PLCH1: variants seen among roughly 807,000 people sequenced by gnomAD.
The protein encoded by PLCH1 is 1-phosphatidylinositol 4,5-bisphosphate phosphodiesterase eta-1.
Under a neutral mutation model 126.7 loss-of-function variants are expected in PLCH1, and 60 were observed. The ratio of observed to expected loss-of-function variants is 0.47; its 90% confidence interval spans 0.38 to 0.59. The LOEUF (loss-of-function observed/expected upper bound fraction) is 0.59. PLCH1 is among the 20% of genes least tolerant of loss of function. The pLI is 0.00. For synonymous variants in PLCH1, 719 were observed against 734.9 expected, an observed-to-expected ratio of 0.98 and a Z score of 0.35; for missense variants, 1,723 against 2,040.0, an observed-to-expected ratio of 0.84 and a Z score of 2.99.
chr3:155,691,318 C>T (rs1745365548), intron 2 of PLCH1, among the ~76,000 whole-genome samples: 1 of 152,200 alleles, frequency 6.6e-6, no homozygotes, highest in Non-Finnish European at 1.5e-5. Context: ...CCTAACATTT[C>T]CTAATGATCC....
chr3:155,542,886 G>T (rs577265288), intron 10 of PLCH1, among the ~76,000 whole-genome samples: 9,148 of 152,074 alleles, frequency 0.06, 573 homozygotes, highest in African/African-American at 0.16. Context: ...AAACCCATCT[G>T]TACATCACCA....
Position 155,488,844 on chromosome 3 carries a change from G to A in PLCH1, c.2393-38C>T, listed in dbSNP as rs1208083108. On this transcript the variant is annotated intron_variant, in intron 19 of 22. Transcript: ENST00000460012. ...GGAAAAGAAAAATCAGAAAAGCAAAGGACTTGGCTGAAAATGAGTTGGCAG... is the reference window on the plus strand; with the variant it reads ...GGAAAAGAAAAATCAGAAAAGCAAAAGACTTGGCTGAAAATGAGTTGGCAG... The A allele has an allele frequency of 3.2e-6, 5 of 1,573,406 alleles. 1 individual carries two copies. The African/African-American group carries it at 4.1e-5, about 13-fold the overall frequency.
chr3:155,541,797 G>C (rs1046246434), intron 10 of PLCH1, among the ~76,000 whole-genome samples: 8 of 145,672 alleles, frequency 5.5e-5, no homozygotes, highest in African/African-American at 2.0e-4. Context: ...ACATAGAGTT[G>C]CCACAAACCT....
Position 155,555,186 on chromosome 3 carries a change from C to T in PLCH1, c.1070-990G>A, listed in dbSNP as rs560505791. Among the ~76,000 whole-genome samples, 10 of 152,340 alleles carry T rather than the reference C, an allele frequency of 6.6e-5. No homozygotes were observed. The East Asian group carries it at 7.7e-4, about 12-fold the overall frequency. ...ATCTTACCTCATACAATAGCTCTTG[C>T]GTGCTTACCTCCAACGCCCCTGTCT... On this transcript the variant is annotated intron_variant, in intron 8 of 22. Coordinates refer to ENST00000460012, the MANE Select transcript of PLCH1 (RefSeq NM_014996.4).
At chr3:155,623,941 C>G (rs780112911) in intron 2 of PLCH1, among the ~76,000 whole-genome samples, 3 of 152,020 alleles carry the variant, frequency 2.0e-5, no homozygotes, top group Non-Finnish European at 2.9e-5. Context: ...GGCAGAGACA[C>G]AACAAAAAAA....
intron 11 of PLCH1, among the ~76,000 whole-genome samples, chr3:155,516,711 T>A (rs1178924599): frequency 6.6e-6 from 1 of 151,906 alleles, no homozygotes; most frequent in South Asian, 2.1e-4. Context: ...CTGGGGGTAG[T>A]TAATAAAGTT....
intron 1 of PLCH1, among the ~76,000 whole-genome samples, chr3:155,720,172 A>G (rs1283776593): frequency 2.0e-5 from 3 of 152,186 alleles, no homozygotes; most frequent in Non-Finnish European, 4.4e-5. Flanking sequence ...TTATGCTGCT[A>G]TAAACATGTG....
At chr3:155,579,714 G>A (rs1157632009) in intron 6 of PLCH1, among the ~76,000 whole-genome samples, 7 of 152,140 alleles carry the variant, frequency 4.6e-5, no homozygotes, top group Non-Finnish European at 1.0e-4. Context: ...TTCCTACTTG[G>A]GTATTGCCTG....
At chr3:155,563,130 T>C (rs562781290) in intron 8 of PLCH1, among the ~76,000 whole-genome samples, 7 of 152,350 alleles carry the variant, frequency 4.6e-5, no homozygotes, top group African/African-American at 1.7e-4. Flanking sequence ...GCTCCCCTTG[T>C]GCTCCCTACT....
At chr3:155,501,531 G>A (rs1452748084) in intron 13 of PLCH1, among the ~76,000 whole-genome samples, 3 of 152,074 alleles carry the variant, frequency 2.0e-5, no homozygotes, top group Non-Finnish European at 4.4e-5. Flanking sequence ...GGTGGCTCGC[G>A]CCTGTAATCC....
intron 2 of PLCH1, among the ~76,000 whole-genome samples, chr3:155,629,651 C>T (rs1737789100): frequency 6.6e-6 from 1 of 152,158 alleles, no homozygotes; most frequent in Admixed American, 6.5e-5. Flanking sequence ...AATCTGGTGA[C>T]CCCCTTTCTC....
At chr3:155,527,209 G>A (rs1161440006) in intron 10 of PLCH1, among the ~76,000 whole-genome samples, 4 of 152,206 alleles carry the variant, frequency 2.6e-5, no homozygotes, top group African/African-American at 7.2e-5. Context: ...AAAACATAGG[G>A]ATGGAGACTT....
chr3:155,600,877 A>AT (rs1733631690), intron 2 of PLCH1, among the ~76,000 whole-genome samples: 1 of 152,260 alleles, frequency 6.6e-6, no homozygotes. Context: ...AGCAGAACAG[A>AT]TGAGTCGAAG....
chr3:155,684,615 A>G (rs1292203662), intron 2 of PLCH1, among the ~76,000 whole-genome samples: 1 of 152,176 alleles, frequency 6.6e-6, no homozygotes, highest in Non-Finnish European at 1.5e-5. Context: ...TAGAGAAAGG[A>G]TGCCCTTAAA....
rs566055357 is a variant in PLCH1, at chr3:155,704,588, G to A, written c.-40-324C>T. 7.9e-5 allele frequency among the ~76,000 whole-genome samples: 12 copies of A among 152,276 alleles called. No homozygotes were observed. In the East Asian group the frequency reaches 9.6e-4, roughly 12 times the overall value. ...ATATGTGCTCCCAGCCTCACTCCTA[G>A]TAGTCCAAGATCCAAACTAGTCAAC... On this transcript the variant is annotated intron_variant, in intron 1 of 22. Coordinates refer to ENST00000460012, the MANE Select transcript of PLCH1 (RefSeq NM_014996.4).
chr3:155,696,168 T>C (rs1745780163), intron 2 of PLCH1, among the ~76,000 whole-genome samples: 2 of 152,216 alleles, frequency 1.3e-5, no homozygotes, highest in South Asian at 2.1e-4. Flanking sequence ...ATTAAAAATC[T>C]GAATATTCCT....
chr3:155,485,223 A>G (rs1714857607), intron 22 of PLCH1, 133 bp downstream of exon 22: 1 of 613,310 alleles, frequency 1.6e-6, no homozygotes, highest in Non-Finnish European at 2.8e-6. Flanking sequence ...GGTCTGGAAG[A>G]TCACATTACA....
At chr3:155,531,637 GA>G (rs1323442783) in intron 10 of PLCH1, among the ~76,000 whole-genome samples, 1 of 152,152 alleles carries the variant, frequency 6.6e-6, no homozygotes, top group East Asian at 1.9e-4. Flanking sequence ...AAACCAAAAA[GA>G]AATCTGTTGT....
At chr3:155,661,354 A>G (rs1742115733) in intron 2 of PLCH1, among the ~76,000 whole-genome samples, 1 of 152,168 alleles carries the variant, frequency 6.6e-6, no homozygotes, top group African/African-American at 2.4e-5. Flanking sequence ...TATTTTGATT[A>G]GCCCATCTAT....
Sources: allele counts gnomAD v4.1 joint callset (sites outside exome capture counted in the v4.1 genomes callset), GRCh38; gene constraint gnomAD v4.1.1; transcripts MANE v1.5; gene names NCBI Gene and HGNC (gene_info 2026-07-23, HGNC 2026-07-21).